Variants in MLLT10 observed in about 807,000 individuals in gnomAD.
The protein encoded by MLLT10 is MLLT10 histone lysine methyltransferase DOT1L cofactor.
A neutral mutation model predicts 129.1 loss-of-function variants in MLLT10; 30 were observed. The ratio of observed to expected loss-of-function variants is 0.23; its 90% CI spans 0.17 to 0.32. The LOEUF (loss-of-function observed/expected upper bound fraction) is 0.32, where lower values mean the gene tolerates loss of function less well. Ranked by LOEUF, MLLT10 falls within the 10% of genes least tolerant of loss-of-function variation. The pLI, the probability that MLLT10 is intolerant of heterozygous loss-of-function variation, is 1.00. For missense variants in MLLT10, 1,119 were observed against 1,268.3 expected (o/e 0.88, Z 1.79); for synonymous variants, 490 against 446.4 (o/e 1.10, Z -1.23).
intron 3 of MLLT10, among the ~76,000 whole-genome samples, chr10:21,565,801 T>C (rs1161063779): frequency 2.0e-5 from 3 of 151,710 alleles, no homozygotes; most frequent in Non-Finnish European, 4.4e-5. Context: ...GGACCAAGTC[T>C]TGTTATGTTG....
At chr10:21,635,393 CAGAG>C (rs941282366) in intron 8 of MLLT10, among the ~76,000 whole-genome samples, 1 of 151,998 alleles carries the variant, frequency 6.6e-6, no homozygotes, top group Non-Finnish European at 1.5e-5. Context: ...TTTTTTGAGA[CAGAG>C]TTTCACTTTA....
intron 5 of MLLT10, among the ~76,000 whole-genome samples, chr10:21,610,326 TA>T (rs1236913762): frequency 6.6e-6 from 1 of 152,178 alleles, no homozygotes; most frequent in East Asian, 1.9e-4. Flanking sequence ...AGGGTAAAAC[TA>T]TAGTCCTAGA....
intron 13 of MLLT10, among the ~76,000 whole-genome samples, chr10:21,699,667 C>G (rs1468846374): frequency 6.7e-6 from 1 of 149,296 alleles, no homozygotes; most frequent in African/African-American, 2.5e-5. Flanking sequence ...GTGCCTTTGT[C>G]AAAAATCAGT....
At chr10:21,622,311 C>G (rs1231894356) in intron 8 of MLLT10, among the ~76,000 whole-genome samples, 1 of 150,658 alleles carries the variant, frequency 6.6e-6, no homozygotes, top group Non-Finnish European at 1.5e-5. Context: ...GCGTATGCCA[C>G]TATGCCGGCC....
chr10:21,688,621 C>G (rs2053528635), intron 13 of MLLT10: 3 of 1,212,390 alleles, frequency 2.5e-6, no homozygotes, highest in Non-Finnish European at 3.6e-6. Context: ...CCCATACAAA[C>G]CAGTGTTAGC....
intron 13 of MLLT10, among the ~76,000 whole-genome samples, chr10:21,695,215 G>A (rs1328049051): frequency 1.3e-5 from 2 of 151,954 alleles, no homozygotes; most frequent in African/African-American, 2.4e-5. Flanking sequence ...GATTACAGGC[G>A]TGTGTCATCA....
chr10:21,717,874 C>T (rs2056840162), intron 14 of MLLT10, among the ~76,000 whole-genome samples: 1 of 145,194 alleles, frequency 6.9e-6, no homozygotes, highest in Non-Finnish European at 1.5e-5. Flanking sequence ...TCTCCTCCTC[C>T]TTCTCCTCCT....
At chr10:21,718,790 C>T (rs1180342736) in intron 14 of MLLT10, among the ~76,000 whole-genome samples, 3 of 152,214 alleles carry the variant, frequency 2.0e-5, no homozygotes, top group South Asian at 2.1e-4. Flanking sequence ...GGCACGATCT[C>T]GGCTCACTGC....
At chr10:21,669,520 A>G (rs752543333) in intron 9 of MLLT10, among the ~76,000 whole-genome samples, 15 of 152,148 alleles carry the variant, frequency 9.9e-5, no homozygotes, top group Non-Finnish European at 1.9e-4. Flanking sequence ...AAAAGTATTA[A>G]CTTATCCAAC....
intron 13 of MLLT10, among the ~76,000 whole-genome samples, chr10:21,700,330 C>T (rs574477886): frequency 2.0e-5 from 3 of 152,064 alleles, no homozygotes; most frequent in African/African-American, 4.8e-5. Flanking sequence ...ATTTTACTTC[C>T]GTATGGAAGT....
At chr10:21,676,599 T>C (rs563017339) in intron 11 of MLLT10, among the ~76,000 whole-genome samples, 1 of 148,054 alleles carries the variant, frequency 6.8e-6, no homozygotes, top group South Asian at 2.1e-4. Context: ...CACGCACCTG[T>C]AGTCCCAGCT....
chr10:21,621,519 A>G (rs189508386), intron 8 of MLLT10, among the ~76,000 whole-genome samples: 2 of 152,236 alleles, frequency 1.3e-5, no homozygotes, highest in Admixed American at 1.3e-4. Context: ...TGCTGGGATT[A>G]CAGGCGTGAG....
chr10:21,709,623 A>C (rs2055879786), intron 13 of MLLT10, among the ~76,000 whole-genome samples: 1 of 152,258 alleles, frequency 6.6e-6, no homozygotes, highest in Admixed American at 6.5e-5. Flanking sequence ...AACCTTTAAA[A>C]ATGCATATCT....
intron 13 of MLLT10, among the ~76,000 whole-genome samples, chr10:21,686,291 C>T (rs951751328): frequency 3.9e-5 from 6 of 152,278 alleles, no homozygotes; most frequent in African/African-American, 1.4e-4. Flanking sequence ...TAAATGACTA[C>T]TTTCCCTTTC....
chr10:21,686,672 A>G (rs932937052), intron 13 of MLLT10, among the ~76,000 whole-genome samples: 3 of 152,134 alleles, frequency 2.0e-5, no homozygotes, highest in African/African-American at 7.2e-5. Context: ...CTCAATATCT[A>G]TGACTGTAAA....
At chr10:21,568,438 A>C (rs1312324471) in intron 3 of MLLT10, among the ~76,000 whole-genome samples, 1 of 152,040 alleles carries the variant, frequency 6.6e-6, no homozygotes, top group East Asian at 1.9e-4. Context: ...TCTGTTATCT[A>C]TTTCATTGAC....
chr10:21,597,125 C>T (rs2043095818), intron 5 of MLLT10, among the ~76,000 whole-genome samples: 2 of 151,976 alleles, frequency 1.3e-5, no homozygotes, highest in Admixed American at 6.6e-5. Flanking sequence ...TACAAAAGAA[C>T]TCTTCCTTCC....
chr10:21,670,783 T>C (rs1415606255), intron 10 of MLLT10, 79 bp downstream of exon 10: 1 of 1,448,686 alleles, frequency 6.9e-7, no homozygotes, highest in Non-Finnish European at 9.3e-7. Flanking sequence ...AATTGGTTTG[T>C]TTTTGAACTT....
chr10:21,736,620 G>A (rs980255782), intron 21 of MLLT10, among the ~76,000 whole-genome samples: 4 of 152,186 alleles, frequency 2.6e-5, no homozygotes, highest in African/African-American at 7.2e-5. Context: ...CTTGTTTGCT[G>A]GACATACAAG....
Sources: gnomAD v4.1 joint callset for allele counts (sites outside exome capture counted in the v4.1 genomes callset) on GRCh38, gnomAD v4.1.1 for gene constraint, MANE v1.5 for transcripts, NCBI Gene and HGNC (gene_info 2026-07-23, HGNC 2026-07-21) for gene names.